TBC1D22A: variants seen among roughly 807,000 people sequenced by gnomAD.
The protein encoded by TBC1D22A is putative GTPase activator.
TBC1D22A carries 38 observed loss-of-function variants against 60.2 expected under a neutral mutation model. The ratio of observed to expected loss-of-function variants is 0.63; its 90% CI spans 0.49 to 0.83. The LOEUF is 0.83. TBC1D22A is among the 40% of genes least tolerant of loss of function. TBC1D22A has a pLI of 0.00. For synonymous variants in TBC1D22A, 302 were observed against 281.7 expected (o/e 1.07, Z -0.72); for missense variants, 628 against 701.0 (o/e 0.90, Z 1.18).
At chr22:46,970,331 T>C (rs2073998439) in intron 8 of TBC1D22A, among the ~76,000 whole-genome samples, 2 of 152,200 alleles carry the variant, frequency 1.3e-5, no homozygotes, top group African/African-American at 4.8e-5. Flanking sequence ...TGTGTATTGA[T>C]CATTTTTTCC....
At chr22:46,818,353 G>A (rs1186270501) in intron 4 of TBC1D22A, among the ~76,000 whole-genome samples, 1 of 152,182 alleles carries the variant, frequency 6.6e-6, no homozygotes, top group Non-Finnish European at 1.5e-5. Context: ...TATTGCCTAG[G>A]TTTTCTTCTA....
chr22:47,108,046 T>C (rs1483219125), intron 11 of TBC1D22A, among the ~76,000 whole-genome samples: 2 of 152,158 alleles, frequency 1.3e-5, no homozygotes, highest in East Asian at 3.9e-4. Context: ...CCCACGATCT[T>C]CAAAAGTCAC....
intron 4 of TBC1D22A, among the ~76,000 whole-genome samples, chr22:46,831,353 G>A (rs1472132014): frequency 6.6e-6 from 1 of 152,042 alleles, no homozygotes; most frequent in African/African-American, 2.4e-5. Flanking sequence ...TGTGGGAACC[G>A]AGGCCCACAG....
chr22:47,173,032 T>TA (rs2068548065), intron 12 of TBC1D22A, among the ~76,000 whole-genome samples: 1 of 152,214 alleles, frequency 6.6e-6, no homozygotes, highest in African/African-American at 2.4e-5. Flanking sequence ...CCTGGGCTGA[T>TA]ACAGGCTTTG....
At position 47,110,083 on chromosome 22, in the gene TBC1D22A, G is replaced by A. The variant is rs2147715624; in HGVS notation, c.1330-1425G>A. Among the ~76,000 whole-genome samples, 3 of 152,290 alleles carry A rather than the reference G, an allele frequency of 2.0e-5. 1 individual carries two copies. In the South Asian group the frequency reaches 6.2e-4, roughly 32 times the overall value. ...CTGCTCGCCTCGTTCTGCGGTAGCT[G>A]TGCTGGTCTCCTCGCTTTTGGAACA... On this transcript the variant is annotated intron_variant, in intron 11 of 12. Coordinates refer to ENST00000337137, the MANE Select transcript of TBC1D22A (RefSeq NM_014346.5).
chr22:47,022,646 G>A (rs924947127), intron 10 of TBC1D22A, among the ~76,000 whole-genome samples: 6 of 152,194 alleles, frequency 3.9e-5, no homozygotes, highest in African/African-American at 1.4e-4. Flanking sequence ...ATGCACGGAT[G>A]TGAGGTTGGG....
intron 9 of TBC1D22A, among the ~76,000 whole-genome samples, chr22:46,986,501 C>T (rs547180535): frequency 2.6e-5 from 4 of 151,918 alleles, no homozygotes; most frequent in South Asian, 2.1e-4. Flanking sequence ...TCTTCTTACC[C>T]GTGAGCGTAG....
At chr22:46,989,786 C>CACAA (rs1032013386) in intron 9 of TBC1D22A, among the ~76,000 whole-genome samples, 15 of 151,128 alleles carry the variant, frequency 9.9e-5, no homozygotes, top group Non-Finnish European at 1.9e-4. Context: ...CACACACACA[C>CACAA]AATAAATAAA....
chr22:46,901,679 G>C (rs2069005321), intron 7 of TBC1D22A, among the ~76,000 whole-genome samples: 1 of 149,836 alleles, frequency 6.7e-6, no homozygotes, highest in Non-Finnish European at 1.5e-5. Flanking sequence ...TTCGATTTTG[G>C]TTTCATTCAT....
At chr22:47,025,763 T>G (rs17762747) in intron 10 of TBC1D22A, among the ~76,000 whole-genome samples, 35,708 of 151,974 alleles carry the variant, frequency 0.23, 4,507 homozygotes, top group East Asian at 0.29. Context: ...AAACGTATAG[T>G]ATAGAGTGCG....
chr22:46,984,262 G>A lies in TBC1D22A; in HGVS notation c.1125+9863G>A, dbSNP rs534839563. 4.9e-3 allele frequency among the ~76,000 whole-genome samples: 744 copies of A among 150,658 alleles called. 5 individuals carry two copies. Among genetic ancestry groups the A allele is most frequent in the Non-Finnish European group, 8.7e-3 (588 of 67,706 alleles). On this transcript the variant is annotated intron_variant, in intron 9 of 12. Coordinates refer to ENST00000337137, the MANE Select transcript of TBC1D22A (RefSeq NM_014346.5). ...CGCGCCTGTAATCCCATCTACTTGGGAGGCTGAGGCAGGAGAATTGCTTGA... is the reference window on the plus strand; with the variant it reads ...CGCGCCTGTAATCCCATCTACTTGGAAGGCTGAGGCAGGAGAATTGCTTGA...
chr22:47,046,629 T>A (rs914763075), intron 11 of TBC1D22A, among the ~76,000 whole-genome samples: 1 of 152,144 alleles, frequency 6.6e-6, no homozygotes, highest in Non-Finnish European at 1.5e-5. Flanking sequence ...GGGACTGGGA[T>A]CTGTGGGTAG....
intron 1 of TBC1D22A, 26 bp downstream of exon 1, chr22:46,762,874 C>G: frequency 1.4e-6 from 2 of 1,470,962 alleles, no homozygotes; most frequent in Non-Finnish European, 9.0e-7. Context: ...AGGGCCAGGT[C>G]GGGGTCAGGG....
intron 8 of TBC1D22A, among the ~76,000 whole-genome samples, chr22:46,944,813 T>G (rs2072428149): frequency 1.3e-5 from 2 of 152,254 alleles, no homozygotes. Flanking sequence ...TTTATCGTGA[T>G]TACTCTTTTG....
intron 1 of TBC1D22A, among the ~76,000 whole-genome samples, chr22:46,770,902 T>G (rs1049122028): frequency 6.6e-6 from 1 of 152,188 alleles, no homozygotes; most frequent in African/African-American, 2.4e-5. Flanking sequence ...TCCCCGCCAG[T>G]TGGGTTTCTC....
intron 8 of TBC1D22A, among the ~76,000 whole-genome samples, chr22:46,972,484 G>A (rs771124699): frequency 3.5e-4 from 54 of 152,332 alleles, no homozygotes; most frequent in Non-Finnish European, 5.3e-4. Flanking sequence ...GCATTGACAC[G>A]GGCTGCCGCA....
intron 7 of TBC1D22A, among the ~76,000 whole-genome samples, chr22:46,905,548 G>A (rs2069400766): frequency 6.6e-6 from 1 of 152,276 alleles, no homozygotes; most frequent in South Asian, 2.1e-4. Flanking sequence ...GCCCCGGGGA[G>A]GAGGGCACGG....
chr22:47,117,630 G>A (rs1004602824), intron 12 of TBC1D22A, among the ~76,000 whole-genome samples: 8 of 152,170 alleles, frequency 5.3e-5, no homozygotes, highest in African/African-American at 1.4e-4. Flanking sequence ...GGCAGCGGCC[G>A]CAGGAGCGAG....
intron 9 of TBC1D22A, among the ~76,000 whole-genome samples, chr22:46,975,142 C>T (rs1481400727): frequency 3.3e-5 from 5 of 152,092 alleles, no homozygotes; most frequent in East Asian, 1.9e-4. Context: ...TGGGTGTGGG[C>T]GTCTTAGTTT....
Sources: gnomAD v4.1 joint callset for allele counts (sites outside exome capture counted in the v4.1 genomes callset) on GRCh38, gnomAD v4.1.1 for gene constraint, MANE v1.5 for transcripts, NCBI Gene and HGNC (gene_info 2026-07-23, HGNC 2026-07-21) for gene names.